Variants in ARHGEF18 observed in about 807,000 individuals in gnomAD.
ARHGEF18 encodes the protein Rho/Rac guanine nucleotide exchange factor 18, also known as rho guanine nucleotide exchange factor 18.
ARHGEF18 carries 93 observed loss-of-function variants against 155.7 expected under a neutral mutation model. The observed-to-expected ratio is 0.60, with a 90% CI of 0.50 to 0.71. The LOEUF (loss-of-function observed/expected upper bound fraction) is 0.71. Ranked by LOEUF, ARHGEF18 falls within the 30% of genes least tolerant of loss-of-function variation. The pLI, the probability that ARHGEF18 is intolerant of heterozygous loss-of-function variation, is 0.00. For missense variants in ARHGEF18, 1,593 were observed against 1,816.1 expected, an observed-to-expected ratio of 0.88 and a Z score of 2.23; for synonymous variants, 742 against 753.1, an observed-to-expected ratio of 0.99 and a Z score of 0.24.
chr19:7,382,757 G>GC, intron 8 of ARHGEF18, 35 bp from the exon 9 acceptor site: 1 of 1,226,716 alleles, frequency 8.2e-7, no homozygotes, highest in Non-Finnish European at 1.0e-6. Flanking sequence ...ATGGCCCCTG[G>GC]CCCCCTCTAG....
rs748381350 is a variant in ARHGEF18 at position 7,462,251 on chromosome 19, C to G, written c.2552C>G (p.Pro851Arg). The G allele has an allele frequency of 2.1e-5, 34 of 1,613,782 alleles. 1 individual carries two copies. In the East Asian group the frequency reaches 7.1e-4, roughly 34 times the overall value. The change falls in exon 21 of 29, where the codon CCC (proline) becomes CGC (arginine). Residue 851 changes from proline to arginine, a missense_variant. Pro to Arg is a moderately radical substitution (Grantham distance 103). Coordinates refer to ENST00000668164, the MANE Select transcript of ARHGEF18 (RefSeq NM_001367823.1). This position sits in a 1 kb window ranked among gnomAD's most constrained non-coding sequence, Gnocchi z 4.4. Reference sequence around the variant, plus strand: ...GAGATGGGCGGCCTCGAAGACCTGCCCCAGCCCCGAGGCCTATTCCGTGGA... The same window carrying G: ...GAGATGGGCGGCCTCGAAGACCTGCGCCAGCCCCGAGGCCTATTCCGTGGA... Reference protein sequence around the residue: ...MAEMGGLEDLPQPRGLFRGGD... With the variant: ...MAEMGGLEDLRQPRGLFRGGD...
At chr19:7,447,372 C>A (rs183809604) in intron 15 of ARHGEF18, among the ~76,000 whole-genome samples, 20 of 151,914 alleles carry the variant, frequency 1.3e-4, no homozygotes, top group African/African-American at 4.8e-4. Flanking sequence ...ACCTGTAATC[C>A]CAGCTACTTG....
intron 2 of ARHGEF18, 115 bp downstream of exon 2, chr19:7,363,020 C>G (rs1969695711): frequency 8.6e-7 from 1 of 1,156,658 alleles, no homozygotes; most frequent in Non-Finnish European, 1.1e-6. Flanking sequence ...TCAGGGAATC[C>G]TCATCGAAAC....
At chr19:7,447,021 T>C (rs748146114) in intron 14 of ARHGEF18, 22 bp from the exon 15 acceptor site, 4 of 1,609,296 alleles carry the variant, frequency 2.5e-6, no homozygotes, top group East Asian at 2.2e-5. Flanking sequence ...TTAATTAACA[T>C]TTCCATCCTT....
At chr19:7,405,992 A>C (rs962329668) in intron 10 of ARHGEF18, among the ~76,000 whole-genome samples, 24 of 152,286 alleles carry the variant, frequency 1.6e-4, no homozygotes, top group Admixed American at 1.4e-3. Context: ...AGTATTTTGA[A>C]GTTGAAGTAA....
intron 2 of ARHGEF18, among the ~76,000 whole-genome samples, chr19:7,372,320 G>A (rs1475590906): frequency 6.6e-6 from 1 of 152,134 alleles, no homozygotes; most frequent in African/African-American, 2.4e-5. Context: ...GACTCAGGAT[G>A]GGCCGGGTGG....
Position 7,391,941 on chromosome 19 carries a change from C to G in ARHGEF18, c.967+8738C>G, listed in dbSNP as rs138184337. ...TAGCTCCTAGCGCCCCTGGTCCATG[C>G]TAAAGACTCATAAATGAGGCCAGGT... On this transcript the variant is annotated intron_variant, in intron 10 of 28. Coordinates refer to ENST00000668164, the MANE Select transcript of ARHGEF18 (RefSeq NM_001367823.1). Among the ~76,000 whole-genome samples, 525 of 152,132 alleles carry G rather than the reference C, an allele frequency of 3.5e-3. 2 individuals are homozygous for G. The highest frequency in any genetic ancestry group is 0.012 in the African/African-American group (500 of 41,532).
chr19:7,377,653 C>T (rs190709876), intron 5 of ARHGEF18, among the ~76,000 whole-genome samples: 7 of 151,970 alleles, frequency 4.6e-5, no homozygotes, highest in Admixed American at 3.3e-4. Flanking sequence ...CCAGGCATGA[C>T]GGTGTGCACC....
Position 7,385,875 on chromosome 19 carries a change from CCT to C in ARHGEF18, c.967+2674_967+2675del, listed in dbSNP as rs1568285811. Among the ~76,000 whole-genome samples the C allele has an allele frequency of 2.0e-3, 135 of 68,164 alleles. 8 individuals carry two copies. Among genetic ancestry groups the C allele is most frequent in the African/African-American group, 0.011 (116 of 10,308 alleles). 44.7% of individuals were successfully genotyped at this position (68,164 alleles called of 152,430 possible). ...TCTCTCTCTCTCTCTCTCTCTCCCC[CCT>C]CCCTCTCTCCCTCCCTCCCTCTCTC... On this transcript the variant is annotated intron_variant, in intron 10 of 28. Coordinates refer to ENST00000668164, the MANE Select transcript of ARHGEF18 (RefSeq NM_001367823.1).
intron 10 of ARHGEF18, among the ~76,000 whole-genome samples, chr19:7,385,287 G>C (rs541084372): frequency 1.3e-5 from 2 of 152,194 alleles, no homozygotes; most frequent in Admixed American, 6.5e-5. Flanking sequence ...TTCTGTGATT[G>C]CTGGTTCCTT....
chr19:7,436,604 T>C (rs1342011536), intron 10 of ARHGEF18, among the ~76,000 whole-genome samples: 1 of 152,126 alleles, frequency 6.6e-6, no homozygotes, highest in Non-Finnish European at 1.5e-5. Flanking sequence ...GACTTTTTCT[T>C]CTATGGACTA....
chr19:7,426,367 G>C (rs1033814830), intron 10 of ARHGEF18, among the ~76,000 whole-genome samples: 1 of 151,402 alleles, frequency 6.6e-6, no homozygotes, highest in Non-Finnish European at 1.5e-5. Flanking sequence ...CGTGCCTGTC[G>C]TCCCGGCTAC....
At chr19:7,446,733 T>G (rs548355616) in intron 14 of ARHGEF18, among the ~76,000 whole-genome samples, 3 of 150,144 alleles carry the variant, frequency 2.0e-5, no homozygotes, top group African/African-American at 7.3e-5. Context: ...AGAGTGAGAC[T>G]CTGTCTAAAA....
intron 10 of ARHGEF18, chr19:7,439,714 T>G: frequency 7.7e-7 from 1 of 1,292,174 alleles, no homozygotes. Flanking sequence ...CATCTCTGGG[T>G]CTTAGAGTCA....
At chr19:7,473,396 C>T (rs1189937317), downstream of ARHGEF18, 4 of 423,144 alleles carry the variant, frequency 9.5e-6, no homozygotes, top group East Asian at 2.8e-4. Flanking sequence ...GGCACAGTGG[C>T]TCATCCCTGT....
chr19:7,390,557 T>C (rs1305192499), intron 10 of ARHGEF18: 1 of 146,914 alleles, frequency 6.8e-6, no homozygotes, highest in Admixed American at 6.8e-5. Flanking sequence ...GAAAGAAAAA[T>C]GATGTGGGTA....
chr19:7,374,657 G>C (rs984609389), intron 3 of ARHGEF18, among the ~76,000 whole-genome samples: 2 of 149,564 alleles, frequency 1.3e-5, no homozygotes, highest in Non-Finnish European at 3.0e-5. Context: ...CAGCCTGGGC[G>C]ACAGAGCGAG....
chr19:7,455,999 C>G (rs1397109413), intron 17 of ARHGEF18, among the ~76,000 whole-genome samples: 3 of 152,198 alleles, frequency 2.0e-5, no homozygotes. Flanking sequence ...GCAGCCAAAC[C>G]GTATCAGATT....
chr19:7,385,219 C>T (rs1970937863), intron 10 of ARHGEF18, among the ~76,000 whole-genome samples: 1 of 152,154 alleles, frequency 6.6e-6, no homozygotes. Context: ...GCGCTGGGAG[C>T]CTGCCCTCGG....
Sources: gnomAD v4.1 joint callset for allele counts (sites outside exome capture counted in the v4.1 genomes callset) on GRCh38, gnomAD v4.1.1 for gene constraint, Gnocchi (gnomAD v3.1) non-coding constraint, MANE v1.5 for transcripts, NCBI Gene and HGNC (gene_info 2026-07-23, HGNC 2026-07-21) for gene names.